Variants in AGAP4 observed in about 807,000 individuals in gnomAD.
AGAP4 encodes arf-GAP with GTPase, ANK repeat and PH domain-containing protein 4.
Under a neutral mutation model 60.7 loss-of-function variants are expected in AGAP4, and 13 were observed. The observed-to-expected ratio is 0.21, with a 90% CI of 0.14 to 0.34. AGAP4 has a LOEUF of 0.34. Ranked by LOEUF, AGAP4 falls within the 10% of genes least tolerant of loss-of-function variation. AGAP4 has a pLI of 1.00. For synonymous variants in AGAP4, 70 were observed against 339.0 expected (o/e 0.21, Z 8.72); for missense variants, 169 against 884.0 (o/e 0.19, Z 10.26).
chr10:45,846,860 G>A (rs2059007291), intron 1 of AGAP4, 105 bp from the exon 2 acceptor site: 2 of 712,854 alleles, frequency 2.8e-6, no homozygotes, highest in African/African-American at 3.7e-5. Context: ...TAAATAAATG[G>A]TCCCATGCCA....
intron 4 of AGAP4, among the ~76,000 whole-genome samples, chr10:45,839,330 G>GAAA (rs532227613): frequency 1.9e-5 from 2 of 105,026 alleles, no homozygotes; most frequent in East Asian, 3.6e-4. Flanking sequence ...GGTAAAATGT[G>GAAA]AAAAAAAAAA....
upstream of AGAP4, among the ~76,000 whole-genome samples, chr10:45,849,930 AT>A (rs1196465005): frequency 9.6e-5 from 14 of 145,190 alleles, no homozygotes; most frequent in East Asian, 2.0e-4. Flanking sequence ...TTTTAAAAGA[AT>A]TTTTTTTTTA....
rs1373934300 is a variant in AGAP4 at position 45,841,102 on chromosome 10, C to T, written c.396+551G>A. Among the ~76,000 whole-genome samples, 113 of 83,816 alleles carry T rather than the reference C, an allele frequency of 1.3e-3. 16 individuals carry two copies. Among genetic ancestry groups the T allele is most frequent in the African/African-American group, 5.3e-3 (103 of 19,578 alleles). The allele number at this position is 83,816 out of a possible 152,430, so 55.0% of individuals were successfully genotyped here. Reference sequence around the variant, plus strand: ...TAAAAATAAGATTAAATATTTAAGGCAATTTTTTTTTTTTTTTTGAGACAG... The same window carrying T: ...TAAAAATAAGATTAAATATTTAAGGTAATTTTTTTTTTTTTTTTGAGACAG... On this transcript the variant is annotated intron_variant, in intron 4 of 7. Transcript: ENST00000616763.
chr10:45,851,051 T>C (rs1273218534), upstream of AGAP4, among the ~76,000 whole-genome samples: 1 of 151,804 alleles, frequency 6.6e-6, no homozygotes, highest in Non-Finnish European at 1.5e-5. Context: ...AATCTATGGT[T>C]ACAGCAATTG....
exon 1 of AGAP4, chr10:45,853,691 A>C: frequency 7.8e-7 from 1 of 1,287,750 alleles, no homozygotes; most frequent in Non-Finnish European, 1.0e-6. Context: ...AGCCCTTTGG[A>C]TGTTGGTCAG....
chr10:45,838,420 C>G (rs1218821555), intron 4 of AGAP4, among the ~76,000 whole-genome samples: 1 of 151,776 alleles, frequency 6.6e-6, no homozygotes, highest in East Asian at 1.9e-4. Context: ...CAAATGCCAC[C>G]TGTTCCCCCA....
At chr10:45,829,873 T>C (rs1325950186) in intron 6 of AGAP4, among the ~76,000 whole-genome samples, 2 of 150,348 alleles carry the variant, frequency 1.3e-5, no homozygotes, top group Admixed American at 6.7e-5. Context: ...GAAAGATTGG[T>C]GGTTAAACTA....
chr10:45,825,911 G>A lies in AGAP4; in HGVS notation c.*4C>T, dbSNP rs781990027. 9 of 1,311,982 alleles carry A rather than the reference G, an allele frequency of 6.9e-6. 1 individual carries two copies. The highest frequency in any genetic ancestry group is 3.7e-5 in the Admixed American group (2 of 54,560). 81.3% of individuals were successfully genotyped at this position (1,311,982 alleles called of 1,614,324 possible). A position where few individuals can be genotyped will look rare whatever the true frequency, so the allele number is the denominator to read the frequency against. On this transcript the variant is annotated 3_prime_UTR_variant, in exon 8 of 8. Transcript: ENST00000616763. ...AAGGAGACTGCAGTCAAATAAAACAGATACTACACACACTTGTCGGGGCAG... is the reference window on the plus strand; with the variant it reads ...AAGGAGACTGCAGTCAAATAAAACAAATACTACACACACTTGTCGGGGCAG...
intron 4 of AGAP4, among the ~76,000 whole-genome samples, chr10:45,837,956 C>T (rs1469000881): frequency 6.7e-6 from 1 of 150,254 alleles, no homozygotes. Flanking sequence ...ACAGTCTATA[C>T]ATCTGACAAA....
intron 1 of AGAP4, 144 bp downstream of exon 1, chr10:45,846,981 G>A (rs2059009273): frequency 1.3e-6 from 2 of 1,594,162 alleles, no homozygotes; most frequent in Non-Finnish European, 1.7e-6. Flanking sequence ...TCAAGGCAGA[G>A]CCAGCTTTTG....
upstream of AGAP4, among the ~76,000 whole-genome samples, chr10:45,850,578 A>T (rs1383148048): frequency 1.3e-5 from 2 of 152,254 alleles, no homozygotes; most frequent in African/African-American, 4.8e-5. Context: ...GCAACCAAAC[A>T]AATTAAGAGA....
At position 45,847,272 on chromosome 10, in the gene AGAP4, G is replaced by T; in HGVS notation, c.76C>A (p.Pro26Thr). 6.3e-7 allele frequency: 1 copy of T among 1,597,992 alleles called. No homozygotes were observed. Residue 26 changes from proline (P) to threonine (T), a missense_variant, in exon 1 of 8, where the codon CCC (proline) becomes ACC (threonine). Pro to Thr is a conservative substitution (Grantham distance 38). Transcript: ENST00000616763. ...EFDQQQGSVC[P>T]SESEIYEAGA... is the part of the protein sequence containing the mutation. ...GCCTCATAGATCTCAGATTCAGAGG[G>T]ACACACCGACCCCTGCTGCTGGTCA...
At chr10:45,844,296 C>T (rs1288210991) in intron 3 of AGAP4, 30 bp downstream of exon 3, 36 of 1,593,684 alleles carry the variant, frequency 2.3e-5, no homozygotes, top group Non-Finnish European at 2.6e-5. Context: ...TTTATTCTTT[C>T]TCTTGGTGGA....
At chr10:45,847,955 C>G, upstream of AGAP4, 7 of 1,039,246 alleles carry the variant, frequency 6.7e-6, no homozygotes, top group Non-Finnish European at 8.1e-6. Flanking sequence ...GATTTTAGTC[C>G]TAAGAAAAGC....
intron 4 of AGAP4, among the ~76,000 whole-genome samples, chr10:45,834,919 G>A (rs2058793311): frequency 6.8e-6 from 1 of 146,872 alleles, no homozygotes; most frequent in Non-Finnish European, 1.5e-5. Flanking sequence ...GACTACAGGC[G>A]CCCACCACCG....
chr10:45,839,866 A>G (rs4042878), intron 4 of AGAP4, among the ~76,000 whole-genome samples: 2 of 142,874 alleles, frequency 1.4e-5, no homozygotes, highest in African/African-American at 5.2e-5. Flanking sequence ...CTCTCAAAAA[A>G]TATAAAATTC....
At position 45,841,409 on chromosome 10, in the gene AGAP4, A is replaced by G. The variant is rs1201716750; in HGVS notation, c.396+244T>C. On this transcript the variant is annotated intron_variant, in intron 4 of 7. Transcript: ENST00000616763. ...TAGCCACCATGCCCAGCCTTAAGGC[A>G]GATCTTTTGAACCGGACTATTGAAA... The G allele has an allele frequency of 1.6e-3, 652 of 409,568 alleles. 11 individuals are homozygous for G. The highest frequency in any genetic ancestry group is 0.012 in the African/African-American group (578 of 49,404). 25.4% of individuals were successfully genotyped at this position (409,568 alleles called of 1,614,324 possible).
chr10:45,853,837 G>T (rs1469569269), exon 1 of AGAP4: 1 of 1,274,544 alleles, frequency 7.8e-7, no homozygotes, highest in Non-Finnish European at 1.0e-6. Flanking sequence ...CTGCAGATGG[G>T]TCTATTCTCA....
Position 45,836,962 on chromosome 10 carries a change from GT to G in AGAP4, c.397-2847del, listed in dbSNP as rs1323784783. 4.0e-5 allele frequency among the ~76,000 whole-genome samples: 6 copies of G among 149,382 alleles called. 1 individual carries two copies. The highest frequency in any genetic ancestry group is 1.5e-4 in the African/African-American group (6 of 40,346). ...GCTCACTGCAACCTCTGCCTCCGAG[GT>G]TCAAGCGATTCTCCTGCCTCAGCCA... On this transcript the variant is annotated intron_variant, in intron 4 of 7. Coordinates refer to ENST00000616763, the MANE Select transcript of AGAP4 (RefSeq NM_001276343.3).
Sources: gnomAD v4.1 joint callset for allele counts (sites outside exome capture counted in the v4.1 genomes callset) on GRCh38, gnomAD v4.1.1 for gene constraint, MANE v1.5 for transcripts, NCBI Gene and HGNC (gene_info 2026-07-23, HGNC 2026-07-21) for gene names.